Variants in PARP4 observed in about 807,000 individuals in gnomAD.
PARP4 encodes poly(ADP-ribose) polymerase family member 4.
In PARP4, 120 loss-of-function variants were observed where a neutral mutation model predicts 187.7. The ratio of observed to expected loss-of-function variants is 0.64; its 90% CI spans 0.55 to 0.74. The LOEUF is 0.74. Ranked by LOEUF, PARP4 falls within the 30% of genes least tolerant of loss-of-function variation. PARP4 has a pLI of 0.00. For missense variants in PARP4, 1,836 were observed against 2,070.5 expected, an observed-to-expected ratio of 0.89 and a Z score of 2.20; for synonymous variants, 654 against 740.9, an observed-to-expected ratio of 0.88 and a Z score of 1.90.
At chr13:24,512,173 C>T (rs1870049421) in intron 1 of PARP4, among the ~76,000 whole-genome samples, 1 of 152,204 alleles carries the variant, frequency 6.6e-6, no homozygotes. Context: ...CTGGGTGAAC[C>T]ATTCGGCCCT....
At position 24,492,554 on chromosome 13, in the gene PARP4, G is replaced by A. The variant is rs1176920174; in HGVS notation, c.920C>T (p.Ala307Val). The A allele has an allele frequency of 6.2e-7, 1 of 1,613,844 alleles. No individual in the cohort carries two copies. The highest frequency in any genetic ancestry group is 8.5e-7 in the Non-Finnish European group (1 of 1,179,904). Reference protein sequence around the residue: ...AEGILLLVKAALKNGETAEQL... With the variant: ...AEGILLLVKAVLKNGETAEQL... ...CTCTGCTGTTTCTCCATTTTTCAGTGCTGCCTTTACTAGAAGGAGAATCCC... is the reference window on the plus strand; with the variant it reads ...CTCTGCTGTTTCTCCATTTTTCAGTACTGCCTTTACTAGAAGGAGAATCCC... Residue 307 changes from alanine (A) to valine (V), a missense_variant, in exon 9 of 34, where the codon GCA (alanine) becomes GTA (valine). By Grantham distance (64) the Ala-to-Val change is moderately conservative (BLOSUM62 0). This residue lies in a region of PARP4 where 1,147 missense variants were observed against 1,214.2 expected (regional missense o/e 0.94). Coordinates refer to ENST00000381989, the MANE Select transcript of PARP4 (RefSeq NM_006437.4).
intron 12 of PARP4, among the ~76,000 whole-genome samples, chr13:24,484,108 C>T (rs759351195): frequency 6.6e-6 from 1 of 152,188 alleles, no homozygotes; most frequent in African/African-American, 2.4e-5. Flanking sequence ...TAGGCAAGTT[C>T]CCTGACCTCC....
chr13:24,494,682 G>A lies in PARP4; in HGVS notation c.632C>T (p.Ala211Val), dbSNP rs2137534871. 6.2e-7 allele frequency: 1 copy of A among 1,608,032 alleles called. No homozygotes were observed. The highest frequency in any genetic ancestry group is 2.2e-5 in the East Asian group (1 of 44,780). Residue 211 changes from alanine (A) to valine (V), a missense_variant, in exon 7 of 34, where the codon GCA becomes GTA. Physicochemically the swap from Ala to Val is moderately conservative, Grantham distance 64. Around this residue, in one of 8 missense-constraint regions of PARP4, gnomAD observed 1,147 missense variants for 1,214.2 expected, o/e 0.94. Coordinates refer to ENST00000381989, the MANE Select transcript of PARP4 (RefSeq NM_006437.4). ...AATGTAATTTTCAAAGTATTCACTT[G>A]CATCTTCAGAGGTTTTCTTTATAGC... ...QFAIKKTSED[A>V]SEYFENYIEE...
At chr13:24,493,238 T>C (rs1255049041) in intron 8 of PARP4, among the ~76,000 whole-genome samples, 1 of 152,180 alleles carries the variant, frequency 6.6e-6, no homozygotes, top group Non-Finnish European at 1.5e-5. Flanking sequence ...GTGGAGTCAC[T>C]AGGAAATGGA....
At chr13:24,467,300 G>A (rs1249090426) in intron 17 of PARP4, among the ~76,000 whole-genome samples, 7 of 152,116 alleles carry the variant, frequency 4.6e-5, no homozygotes, top group South Asian at 2.1e-4. Flanking sequence ...TGGGGATTAC[G>A]AGCTAGACCT....
Position 24,484,885 on chromosome 13 carries a change from C to T in PARP4, c.1353-137G>A, listed in dbSNP as rs4769362. ...ATCAGGGTGAAGCCATGGTTGTTTC[C>T]GGAAACACAAGGGAAATTTCTGCCT... On this transcript the variant is annotated intron_variant, in intron 11 of 33. Coordinates refer to ENST00000381989, the MANE Select transcript of PARP4 (RefSeq NM_006437.4). 507,336 of 535,724 alleles carry T rather than the reference C, an allele frequency of 0.95. 240,551 individuals are homozygous for T. Among genetic ancestry groups the T allele is most frequent in the East Asian group, 0.99 (34,901 of 35,384 alleles). The allele number at this position is 535,724 out of a possible 1,614,324, so 33.2% of individuals were successfully genotyped here. A position where few individuals can be genotyped will look rare whatever the true frequency, so the allele number is the denominator to read the frequency against.
intron 22 of PARP4, among the ~76,000 whole-genome samples, chr13:24,454,096 CA>C (rs55858438): frequency 0.13 from 13,367 of 101,776 alleles, 614 homozygotes; most frequent in Middle Eastern, 0.19. Context: ...GACTCTGTCT[CA>C]AAAAAAAAAA....
chr13:24,501,830 G>A lies in PARP4; in HGVS notation c.137C>T (p.Thr46Ile), dbSNP rs2137544587. ...KFSFSLNPQC[T>I]HIILDNADVL... ...ATCAGCATTATCTAAGATTATATGT[G>A]TGCACTAAGGAAAAAAAGAGTCAAT... Residue 46 changes from threonine to isoleucine, a missense_variant, in exon 3 of 34, where the codon ACA (threonine) becomes ATA (isoleucine). Thr to Ile is a moderately conservative substitution (Grantham distance 89, BLOSUM62 -1). Transcript: ENST00000381989. 1 of 1,588,018 alleles carries A rather than the reference G, an allele frequency of 6.3e-7. No homozygotes were observed. The highest frequency in any genetic ancestry group is 2.2e-5 in the East Asian group (1 of 44,712).
In PARP4 at chr13:24,431,483, A is replaced by C. The variant is rs940472484; in HGVS notation, c.4747-7T>G. ...TAAGTTTCCAGAAGCCATCCTACAA[A>C]ATTAAGGAAACAAAAATAAGTTATG... On this transcript the variant is annotated splice_region_variant and splice_polypyrimidine_tract_variant and intron_variant, in intron 31 of 33. Transcript: ENST00000381989. The C allele has an allele frequency of 6.5e-7, 1 of 1,530,096 alleles. No homozygotes were observed. Among genetic ancestry groups the C allele is most frequent in the Non-Finnish European group, 9.0e-7 (1 of 1,116,530 alleles). The allele number at this position is 1,530,096 out of a possible 1,614,324, so 94.8% of individuals were successfully genotyped here. A position where few individuals can be genotyped will look rare whatever the true frequency, so the allele number is the denominator to read the frequency against.
At chr13:24,499,104 G>C (rs972441579) in intron 5 of PARP4, among the ~76,000 whole-genome samples, 197 bp downstream of exon 5, 1 of 152,024 alleles carries the variant, frequency 6.6e-6, no homozygotes, top group Admixed American at 6.6e-5. Context: ...TTCGAGACCA[G>C]CAAAATAGTG....
At chr13:24,501,594 C>T in intron 3 of PARP4, 39 bp downstream of exon 3, 1 of 1,370,458 alleles carries the variant, frequency 7.3e-7, no homozygotes, top group Non-Finnish European at 1.0e-6. Flanking sequence ...TGTACTATGG[C>T]ACCTATGATA....
intron 27 of PARP4, among the ~76,000 whole-genome samples, chr13:24,444,896 C>T (rs1460116964): frequency 2.0e-5 from 3 of 152,152 alleles, no homozygotes; most frequent in Admixed American, 6.5e-5. Context: ...AGATGAACTC[C>T]CAGGAAGAGG....
At position 24,500,318 on chromosome 13, in the gene PARP4, A is replaced by C; in HGVS notation, c.399T>G (p.Thr133=). Residue 133 remains threonine, a splice_region_variant and synonymous_variant, in exon 4 of 34, where the codon ACT becomes ACG. Transcript: ENST00000381989. ...GGAATCAGAAAGAAGTAAATTACTC[A>C]GTGAGTTCCACAGTGTCTTCCTCCT... ...ATEEEDTVEL[T]EFGMQNVEIP... is the part of the protein sequence containing the mutation. 6.4e-7 allele frequency: 1 copy of C among 1,574,144 alleles called. No homozygotes were observed. The highest frequency in any genetic ancestry group is 2.3e-5 in the East Asian group (1 of 43,476).
rs375106346 is a variant in PARP4 at position 24,461,125 on chromosome 13, AAC to A, written c.2134-991_2134-990del. On this transcript the variant is annotated intron_variant, in intron 17 of 33. Transcript: ENST00000381989. The stretch of plus-strand genomic sequence containing the variant: ...ATGCAGAGATCCTCTCAACATCCCC[AAC>A]TATGTTCACCATTCTAGTTGACCAC... Among the ~76,000 whole-genome samples, 10 of 152,344 alleles carry A rather than the reference AAC, an allele frequency of 6.6e-5. No individual in the cohort carries two copies. In the East Asian group the frequency reaches 1.9e-3, roughly 29 times the overall value.
intron 10 of PARP4, among the ~76,000 whole-genome samples, chr13:24,490,374 T>C (rs1028907193): frequency 6.6e-6 from 1 of 152,212 alleles, no homozygotes; most frequent in African/African-American, 2.4e-5. Flanking sequence ...AGTGGCTTTT[T>C]CTCTGTAATA....
intron 1 of PARP4, 49 bp from the exon 2 acceptor site, chr13:24,503,826 G>A (rs776040127): frequency 1.3e-6 from 2 of 1,524,834 alleles, no homozygotes; most frequent in Admixed American, 1.8e-5. Context: ...CAATATGACA[G>A]TGAATTTAGA....
At chr13:24,457,835 A>G (rs536973074) in intron 20 of PARP4, among the ~76,000 whole-genome samples, 24 of 151,862 alleles carry the variant, frequency 1.6e-4, no homozygotes, top group African/African-American at 4.6e-4. Context: ...GAAAGGCACA[A>G]GAGAGGAACT....
At position 24,466,007 on chromosome 13, in the gene PARP4, C is replaced by A. The variant is rs4770688; in HGVS notation, c.2133+3017G>T. Among the ~76,000 whole-genome samples the A allele has an allele frequency of 6.6e-5, 10 of 151,312 alleles. No homozygotes were observed. In the East Asian group the frequency reaches 1.8e-3, roughly 27 times the overall value. ...TATAGTAGTAAACCCTAAAGCAGTG[C>A]TGACCAATGTAACTTTCTATGATGA... On this transcript the variant is annotated intron_variant, in intron 17 of 33. Transcript: ENST00000381989.
chr13:24,469,855 G>A (rs774434920), intron 16 of PARP4, 39 bp downstream of exon 16: 13 of 1,590,258 alleles, frequency 8.2e-6, no homozygotes, highest in Non-Finnish European at 1.1e-5. Context: ...AGCTGACTTT[G>A]AAAGCCGAGA....
Sources: allele counts gnomAD v4.1 joint callset (sites outside exome capture counted in the v4.1 genomes callset), GRCh38; gene constraint gnomAD v4.1.1; regional missense constraint gnomAD v4.1.1; transcripts MANE v1.5; gene names NCBI Gene and HGNC (gene_info 2026-07-23, HGNC 2026-07-21).